FILIP1L: variants seen among roughly 807,000 people sequenced by gnomAD.
The protein encoded by FILIP1L is filamin A interacting protein 1 like, also known as filamin A-interacting protein 1-like.
FILIP1L carries 55 observed loss-of-function variants against 96.6 expected under a neutral mutation model. That is an observed-to-expected ratio of 0.57 (90% CI 0.46 to 0.71). FILIP1L has a LOEUF of 0.71. Ranked by LOEUF, FILIP1L falls within the 30% of genes least tolerant of loss-of-function variation. FILIP1L has a pLI of 0.00. For synonymous variants in FILIP1L, 467 were observed against 473.9 expected (o/e 0.99, Z 0.19); for missense variants, 1,304 against 1,321.2 (o/e 0.99, Z 0.20).
chr3:100,042,885 C>T (rs180884837), intron 1 of FILIP1L, among the ~76,000 whole-genome samples: 9 of 152,314 alleles, frequency 5.9e-5, no homozygotes, highest in Admixed American at 2.6e-4. Context: ...AGCCAAAGTT[C>T]CCAGACCTTG....
At chr3:99,964,796 A>G (rs1480935312) in intron 1 of FILIP1L, among the ~76,000 whole-genome samples, 2 of 152,148 alleles carry the variant, frequency 1.3e-5, no homozygotes, top group Non-Finnish European at 2.9e-5. Context: ...AGGCTACCCA[A>G]GGGGGATCAT....
At chr3:99,893,122 T>A (rs192533250) in intron 4 of FILIP1L, among the ~76,000 whole-genome samples, 2 of 151,880 alleles carry the variant, frequency 1.3e-5, no homozygotes, top group Non-Finnish European at 2.9e-5. Context: ...CTTTCTGCTT[T>A]CAGGTATCTC....
chr3:100,068,355 TG>T (rs1172975724), intron 1 of FILIP1L, among the ~76,000 whole-genome samples: 10 of 36,044 alleles, frequency 2.8e-4, no homozygotes, highest in African/African-American at 8.4e-4. Context: ...AGCCTCTGTG[TG>T]TGTGTGTGTG....
At chr3:99,856,227 A>G (rs1009213559) in intron 4 of FILIP1L, among the ~76,000 whole-genome samples, 4 of 152,244 alleles carry the variant, frequency 2.6e-5, no homozygotes, top group African/African-American at 9.6e-5. Context: ...AGGAAGATGC[A>G]CTTGATAAGA....
chr3:100,003,490 T>A (rs569884458), intron 1 of FILIP1L, among the ~76,000 whole-genome samples: 39 of 152,352 alleles, frequency 2.6e-4, no homozygotes, highest in African/African-American at 8.9e-4. Context: ...GCATTTTTTC[T>A]TTTGAATCTC....
At chr3:99,913,103 A>T (rs1706843184) in intron 4 of FILIP1L, among the ~76,000 whole-genome samples, 1 of 152,208 alleles carries the variant, frequency 6.6e-6, no homozygotes, top group East Asian at 1.9e-4. Flanking sequence ...AGCGGTTTAC[A>T]ACCCAGAAGA....
intron 1 of FILIP1L, among the ~76,000 whole-genome samples, chr3:100,102,316 A>G (rs971972197): frequency 2.6e-5 from 4 of 151,694 alleles, no homozygotes; most frequent in Non-Finnish European, 5.9e-5. Context: ...CGCCATTCTA[A>G]CTGGTATGAG....
chr3:100,024,770 G>A (rs984372674), intron 1 of FILIP1L, among the ~76,000 whole-genome samples: 1 of 152,084 alleles, frequency 6.6e-6, no homozygotes, highest in Admixed American at 6.5e-5. Context: ...CAGTTACGGA[G>A]GCTTCTGAAT....
intron 4 of FILIP1L, among the ~76,000 whole-genome samples, chr3:99,893,651 C>G (rs1706163019): frequency 6.6e-6 from 1 of 152,112 alleles, no homozygotes; most frequent in African/African-American, 2.4e-5. Flanking sequence ...AAGCAGATAG[C>G]TAATTCCTTT....
At chr3:100,088,660 CTCT>C (rs907414286) in intron 1 of FILIP1L, among the ~76,000 whole-genome samples, 1 of 152,098 alleles carries the variant, frequency 6.6e-6, no homozygotes, top group Non-Finnish European at 1.5e-5. Context: ...AGTTTTCTCT[CTCT>C]TCTTTTTCTC....
chr3:100,106,444 A>T (rs180888102), intron 1 of FILIP1L, among the ~76,000 whole-genome samples: 17 of 152,176 alleles, frequency 1.1e-4, no homozygotes, highest in African/African-American at 3.9e-4. Flanking sequence ...GACAAGAAGG[A>T]CTCCAGCAGA....
intron 4 of FILIP1L, among the ~76,000 whole-genome samples, chr3:99,862,342 G>A (rs1576524244): frequency 6.6e-6 from 1 of 152,138 alleles, no homozygotes; most frequent in Non-Finnish European, 1.5e-5. Context: ...GTCAGCTGGG[G>A]GAAGAATAGC....
At chr3:99,865,819 ATGT>A (rs1229097088) in intron 4 of FILIP1L, among the ~76,000 whole-genome samples, 1 of 151,940 alleles carries the variant, frequency 6.6e-6, no homozygotes. Flanking sequence ...GAATATTTAT[ATGT>A]TTTTTTATTG....
At chr3:100,009,838 C>T (rs1224979060) in intron 1 of FILIP1L, among the ~76,000 whole-genome samples, 1 of 152,182 alleles carries the variant, frequency 6.6e-6, no homozygotes, top group African/African-American at 2.4e-5. Flanking sequence ...TATATGTATA[C>T]GTGTCCACGT....
intron 1 of FILIP1L, among the ~76,000 whole-genome samples, chr3:100,043,119 A>G (rs1189883125): frequency 6.6e-6 from 1 of 152,214 alleles, no homozygotes; most frequent in African/African-American, 2.4e-5. Context: ...TGATGGAGAC[A>G]AGTATCCTGT....
chr3:100,003,336 C>T (rs1005982397), intron 1 of FILIP1L, among the ~76,000 whole-genome samples: 1 of 152,188 alleles, frequency 6.6e-6, no homozygotes, highest in Non-Finnish European at 1.5e-5. Context: ...TTACATAGCA[C>T]CTGCCATATG....
At chr3:100,071,013 G>C (rs2065752225) in intron 1 of FILIP1L, among the ~76,000 whole-genome samples, 1 of 146,046 alleles carries the variant, frequency 6.8e-6, no homozygotes, top group Admixed American at 6.8e-5. Context: ...AAGCTATTCA[G>C]TTATACAGAA....
chr3:99,913,296 T>C (rs905380829), intron 4 of FILIP1L, among the ~76,000 whole-genome samples: 5 of 152,350 alleles, frequency 3.3e-5, no homozygotes, highest in Admixed American at 6.5e-5. Flanking sequence ...TATTTTCCAA[T>C]GCACCATTTT....
intron 1 of FILIP1L, among the ~76,000 whole-genome samples, chr3:99,983,420 GTATGTATGTA>G (rs1709201362): frequency 6.7e-5 from 4 of 59,360 alleles, no homozygotes; most frequent in Admixed American, 4.0e-4. Context: ...ATATATATAT[GTATGTATGTA>G]TGTATATATA....
Sources: allele counts gnomAD v4.1 joint callset (sites outside exome capture counted in the v4.1 genomes callset), GRCh38; gene constraint gnomAD v4.1.1; transcripts MANE v1.5; gene names NCBI Gene and HGNC (gene_info 2026-07-23, HGNC 2026-07-21).